DDR2: variants seen among roughly 807,000 people sequenced by gnomAD.
The protein encoded by DDR2 is discoidin domain receptor tyrosine kinase 2, also known as discoidin domain-containing receptor 2.
In DDR2, 27 loss-of-function variants were observed where a neutral mutation model predicts 94.9. The observed-to-expected ratio is 0.28, with a 90% CI of 0.21 to 0.39. The LOEUF (loss-of-function observed/expected upper bound fraction) is 0.39. Ranked by LOEUF, DDR2 falls within the 10% of genes least tolerant of loss-of-function variation. DDR2 has a pLI of 1.00. For missense variants in DDR2, 783 were observed against 1,076.0 expected, an observed-to-expected ratio of 0.73 and a Z score of 3.81; for synonymous variants, 382 against 377.2, an observed-to-expected ratio of 1.01 and a Z score of -0.15.
At chr1:162,685,342 C>T (rs536477085) in intron 2 of DDR2, among the ~76,000 whole-genome samples, 99 of 152,120 alleles carry the variant, frequency 6.5e-4, no homozygotes, top group Non-Finnish European at 8.7e-4. Flanking sequence ...AATACTATAC[C>T]ATATATTTTG....
chr1:162,684,812 AACACACAC>A (rs56958157), intron 2 of DDR2, among the ~76,000 whole-genome samples: 8,661 of 137,998 alleles, frequency 0.063, 248 homozygotes, highest in Non-Finnish European at 0.078. Flanking sequence ...CACACCCACC[AACACACAC>A]ACACACACAC....
chr1:162,663,752 C>T (rs1658415797), intron 2 of DDR2, among the ~76,000 whole-genome samples: 1 of 152,162 alleles, frequency 6.6e-6, no homozygotes, highest in Non-Finnish European at 1.5e-5. Flanking sequence ...CTAGAGAAGT[C>T]TCCCTGCTCT....
chr1:162,728,182 T>TTATATATATATAGATAGATATATCTTTA, intron 3 of DDR2, among the ~76,000 whole-genome samples: 1 of 141,296 alleles, frequency 7.1e-6, no homozygotes, highest in East Asian at 2.1e-4. Context: ...AGATATCTCT[T>TTATATATATATAGATAGATATATCTTTA]TATATATATA....
At chr1:162,739,473 A>G (rs184446333) in intron 3 of DDR2, among the ~76,000 whole-genome samples, 6 of 152,036 alleles carry the variant, frequency 3.9e-5, no homozygotes, top group African/African-American at 1.2e-4. Context: ...TGCCTGGCTA[A>G]TTTTTGTATT....
chr1:162,779,295 C>T (rs370374252), intron 17 of DDR2, among the ~76,000 whole-genome samples: 29 of 152,084 alleles, frequency 1.9e-4, no homozygotes, highest in African/African-American at 5.8e-4. Flanking sequence ...AATTCCTAGC[C>T]AAGATACTCC....
At chr1:162,687,898 A>G (rs998208710) in intron 2 of DDR2, among the ~76,000 whole-genome samples, 3 of 152,206 alleles carry the variant, frequency 2.0e-5, no homozygotes, top group Admixed American at 2.0e-4. Context: ...GCCCTTTTAT[A>G]TGCCGCTGCA....
intron 1 of DDR2, among the ~76,000 whole-genome samples, chr1:162,634,401 G>T (rs1656713208): frequency 1.3e-5 from 2 of 152,200 alleles, no homozygotes; most frequent in African/African-American, 4.8e-5. Flanking sequence ...GCTGCAAGAG[G>T]TATTGGACAT....
intron 2 of DDR2, among the ~76,000 whole-genome samples, chr1:162,712,670 G>A (rs1193716408): frequency 6.6e-6 from 1 of 152,118 alleles, no homozygotes; most frequent in Non-Finnish European, 1.5e-5. Context: ...AGCTTGGCTA[G>A]GGAAGAGGAT....
At position 162,635,936 on chromosome 1, in the gene DDR2, G is replaced by T. The variant is rs567676379; in HGVS notation, c.-192+3305G>T. ...TTTAGTTCTATTCATCAAAGATTTA[G>T]TAACACTGTGCTAATAACATAGTTT... On this transcript the variant is annotated intron_variant, in intron 1 of 17. Coordinates refer to ENST00000367921, the MANE Select transcript of DDR2 (RefSeq NM_006182.4). Among the ~76,000 whole-genome samples, 232 of 152,304 alleles carry T rather than the reference G, an allele frequency of 1.5e-3. 4 individuals are homozygous for T. Among genetic ancestry groups the T allele is most frequent in the African/African-American group, 5.2e-3 (217 of 41,574 alleles).
At chr1:162,641,635 A>C (rs1252890027) in intron 1 of DDR2, among the ~76,000 whole-genome samples, 3 of 152,158 alleles carry the variant, frequency 2.0e-5, no homozygotes. Context: ...TTGTTGGAAA[A>C]ATTTTTAGAG....
chr1:162,721,858 A>G (rs1661439380), intron 3 of DDR2, among the ~76,000 whole-genome samples: 1 of 152,266 alleles, frequency 6.6e-6, no homozygotes, highest in African/African-American at 2.4e-5. Context: ...TAGCTATAAC[A>G]TATTGGTTGG....
At chr1:162,707,882 C>T (rs1660730701) in intron 2 of DDR2, among the ~76,000 whole-genome samples, 1 of 152,150 alleles carries the variant, frequency 6.6e-6, no homozygotes, top group South Asian at 2.1e-4. Flanking sequence ...AATAGTGATA[C>T]CATTTTCTAC....
At chr1:162,751,470 T>C (rs921630039) in intron 3 of DDR2, among the ~76,000 whole-genome samples, 1 of 152,188 alleles carries the variant, frequency 6.6e-6, no homozygotes, top group African/African-American at 2.4e-5. Context: ...CCAGTTAGAA[T>C]GGCAATCATT....
chr1:162,653,810 T>C (rs1657825756), intron 1 of DDR2, among the ~76,000 whole-genome samples: 1 of 152,156 alleles, frequency 6.6e-6, no homozygotes, highest in Admixed American at 6.5e-5. Context: ...TTTTGTCAAC[T>C]TTGTAAGACT....
intron 3 of DDR2, among the ~76,000 whole-genome samples, chr1:162,730,407 A>G (rs1042601055): frequency 6.6e-6 from 1 of 152,202 alleles, no homozygotes. Context: ...TTATACATAA[A>G]GGAAAATGTG....
chr1:162,697,925 G>A (rs1298493869), intron 2 of DDR2, among the ~76,000 whole-genome samples: 1 of 152,168 alleles, frequency 6.6e-6, no homozygotes, highest in Non-Finnish European at 1.5e-5. Flanking sequence ...GCTTGTTAGG[G>A]TTGTTGGTGG....
Position 162,753,100 on chromosome 1 carries a change from T to C in DDR2, c.88T>C (p.Cys30Arg), listed in dbSNP as rs1663294780. 2 of 1,613,478 alleles carry C rather than the reference T, an allele frequency of 1.2e-6. No individual in the cohort carries two copies. The highest frequency in any genetic ancestry group is 8.5e-7 in the Non-Finnish European group (1 of 1,179,576). ...TTTGGTTTCTCTTGGTCTAGCTATA[T>C]GCCGCTATCCTCTGGGCATGTCAGG... ...SAKAQVNPAI[C>R]RYPLGMSGGQ... is the part of the protein sequence containing the mutation. The change falls in exon 4 of 18, where the codon TGC becomes CGC. Residue 30 changes from cysteine (C) to arginine (R), a missense_variant. Physicochemically the swap from Cys to Arg is radical, Grantham distance 180 (BLOSUM62 -3). Around this residue, in one of 2 missense-constraint regions of DDR2, gnomAD observed 519 missense variants for 647.9 expected, o/e 0.80. Transcript: ENST00000367921.
intron 2 of DDR2, among the ~76,000 whole-genome samples, chr1:162,699,216 C>T (rs10753585): frequency 0.63 from 96,302 of 152,124 alleles, 32,512 homozygotes; most frequent in Middle Eastern, 0.8. Flanking sequence ...CTTCTGAAAA[C>T]CTGTGTGCAG....
intron 3 of DDR2, among the ~76,000 whole-genome samples, chr1:162,732,165 T>A (rs1006491119): frequency 1.3e-5 from 2 of 152,220 alleles, no homozygotes; most frequent in Non-Finnish European, 2.9e-5. Flanking sequence ...GGTCTATTCC[T>A]AAGGGGAATT....
Sources: gnomAD v4.1 joint callset for allele counts (sites outside exome capture counted in the v4.1 genomes callset) on GRCh38, gnomAD v4.1.1 for gene constraint, gnomAD v4.1.1 regional missense constraint, MANE v1.5 for transcripts, NCBI Gene and HGNC (gene_info 2026-07-23, HGNC 2026-07-21) for gene names.